AGBL3: variants seen among roughly 807,000 people sequenced by gnomAD.
The protein encoded by AGBL3 is AGBL carboxypeptidase 3.
Under a neutral mutation model 94.5 loss-of-function variants are expected in AGBL3, and 68 were observed. The ratio of observed to expected loss-of-function variants is 0.72; its 90% CI spans 0.59 to 0.88. The LOEUF (loss-of-function observed/expected upper bound fraction) is 0.88. AGBL3 is among the 40% of genes least tolerant of loss of function. AGBL3 has a pLI of 0.00. For synonymous variants in AGBL3, 354 were observed against 370.7 expected (o/e 0.95, Z 0.52); for missense variants, 934 against 1,103.8 (o/e 0.85, Z 2.18).
chr7:135,006,059 A>G (rs201436132), intron 4 of AGBL3, among the ~76,000 whole-genome samples: 1 of 151,938 alleles, frequency 6.6e-6, no homozygotes, highest in East Asian at 1.9e-4. Flanking sequence ...TTGACATCAA[A>G]AACATGATTA....
chr7:135,065,175 C>G (rs1281266619), intron 12 of AGBL3, among the ~76,000 whole-genome samples: 1 of 152,134 alleles, frequency 6.6e-6, no homozygotes, highest in Non-Finnish European at 1.5e-5. Flanking sequence ...GTAAAATGTT[C>G]ATGAAATTGA....
At chr7:135,078,782 C>T (rs894497330) in intron 13 of AGBL3, among the ~76,000 whole-genome samples, 1 of 152,070 alleles carries the variant, frequency 6.6e-6, no homozygotes, top group Non-Finnish European at 1.5e-5. Context: ...TGCCCATAAG[C>T]TAATAGCAGA....
intron 4 of AGBL3, among the ~76,000 whole-genome samples, chr7:135,002,398 G>T (rs1811825261): frequency 6.6e-6 from 1 of 152,092 alleles, no homozygotes; most frequent in South Asian, 2.1e-4. Context: ...AATCAGGGAA[G>T]CTCATCCAGC....
chr7:135,029,641 G>C (rs1391652287), intron 5 of AGBL3, among the ~76,000 whole-genome samples: 1 of 152,148 alleles, frequency 6.6e-6, no homozygotes, highest in Non-Finnish European at 1.5e-5. Context: ...GTGTTCACTG[G>C]AGTAGCACTT....
chr7:135,080,193 A>G lies in AGBL3; in HGVS notation c.1981-10A>G, dbSNP rs1013589538. 6.5e-7 allele frequency: 1 copy of G among 1,538,068 alleles called. No individual in the cohort carries two copies. The highest frequency in any genetic ancestry group is 8.8e-7 in the Non-Finnish European group (1 of 1,135,286). On this transcript the variant is annotated splice_polypyrimidine_tract_variant and intron_variant, in intron 13 of 16. Transcript: ENST00000436302. The stretch of plus-strand genomic sequence containing the variant: ...ATAGCATTGTTTTCTTTGATTCTAC[A>G]TTCCATTAGGTTTATGATAGAGGGC...
intron 16 of AGBL3, among the ~76,000 whole-genome samples, chr7:135,117,311 C>T (rs538719435): frequency 1.3e-5 from 2 of 152,216 alleles, no homozygotes; most frequent in Admixed American, 6.5e-5. Flanking sequence ...TGCAATTCAC[C>T]TATTAATCCA....
intron 1 of AGBL3, among the ~76,000 whole-genome samples, chr7:134,987,120 G>C (rs1280427361): frequency 6.6e-6 from 1 of 152,218 alleles, no homozygotes; most frequent in Non-Finnish European, 1.5e-5. Flanking sequence ...TGAGACAGTC[G>C]GTTCCGTGGC....
intron 16 of AGBL3, among the ~76,000 whole-genome samples, chr7:135,126,704 A>G (rs1419901412): frequency 6.6e-6 from 1 of 152,148 alleles, no homozygotes; most frequent in East Asian, 1.9e-4. Context: ...GAGACCTCAG[A>G]AATAATACCA....
rs533594243 is a variant in AGBL3, at chr7:135,074,084, G to T, written c.1909-2313G>T. ...GTCTTAAGTATTCTCATCACGAAAA[G>T]CAAAATAAGTGGTAACTATGTGAGG... On this transcript the variant is annotated intron_variant, in intron 12 of 16. Transcript: ENST00000436302. Among the ~76,000 whole-genome samples, 15 of 152,208 alleles carry T rather than the reference G, an allele frequency of 9.9e-5. No homozygotes were observed. In the East Asian group the frequency reaches 2.1e-3, roughly 22 times the overall value.
At chr7:135,051,054 G>A (rs1817831683) in intron 11 of AGBL3, 2 of 440,298 alleles carry the variant, frequency 4.5e-6, no homozygotes, top group African/African-American at 4.1e-5. Flanking sequence ...TGACACAAAA[G>A]CAGTATAATA....
chr7:135,073,706 A>G (rs1178693828), intron 12 of AGBL3, among the ~76,000 whole-genome samples: 1 of 151,902 alleles, frequency 6.6e-6, no homozygotes. Flanking sequence ...TGATAGGGTC[A>G]TGACCGATTG....
At chr7:135,128,577 A>G in intron 16 of AGBL3, 1 of 770,774 alleles carries the variant, frequency 1.3e-6, no homozygotes, top group South Asian at 1.3e-5. Flanking sequence ...TAGAATTTCA[A>G]GATGTTTGTG....
chr7:135,006,101 A>G (rs998822440), intron 4 of AGBL3, among the ~76,000 whole-genome samples: 2 of 151,630 alleles, frequency 1.3e-5, no homozygotes, highest in African/African-American at 4.8e-5. Flanking sequence ...CTTCAGAATT[A>G]AAAGCTCTTG....
intron 12 of AGBL3, among the ~76,000 whole-genome samples, chr7:135,073,732 C>T (rs954074402): frequency 3.3e-5 from 5 of 151,662 alleles, no homozygotes; most frequent in African/African-American, 4.8e-5. Flanking sequence ...GCAGGGGGTA[C>T]GTGACTGGGG....
intron 15 of AGBL3, among the ~76,000 whole-genome samples, chr7:135,083,447 A>C (rs1364393657): frequency 2.0e-5 from 3 of 152,152 alleles, no homozygotes; most frequent in African/African-American, 7.2e-5. Context: ...TTTAATTTTA[A>C]AATAATTTCA....
intron 4 of AGBL3, among the ~76,000 whole-genome samples, chr7:135,005,634 A>G (rs1282858665): frequency 6.6e-6 from 1 of 151,784 alleles, no homozygotes; most frequent in Non-Finnish European, 1.5e-5. Flanking sequence ...CTAAAGAACT[A>G]AAATAACGTT....
At position 135,005,114 on chromosome 7, in the gene AGBL3, CCT is replaced by C. The variant is rs201243565; in HGVS notation, c.310+11441_310+11442del. Among the ~76,000 whole-genome samples the C allele has an allele frequency of 5.2e-3, 791 of 151,598 alleles. 4 individuals are homozygous for C. Among genetic ancestry groups the C allele is most frequent in the Non-Finnish European group, 5.7e-3 (386 of 67,580 alleles). On this transcript the variant is annotated intron_variant, in intron 4 of 16. Transcript: ENST00000436302. ...TCACATATGTAGCCATCTATCCATC[CCT>C]CTCTTTATCCAATTAAGTCCTTTTA...
chr7:135,024,381 C>G (rs1246365624), intron 5 of AGBL3, among the ~76,000 whole-genome samples: 1 of 152,224 alleles, frequency 6.6e-6, no homozygotes, highest in African/African-American at 2.4e-5. Flanking sequence ...ATACCAAAAA[C>G]ATTCTGCCCA....
chr7:135,080,241 A>G lies in AGBL3; in HGVS notation c.2019A>G (p.Gln673=), dbSNP rs1168860670. 1.3e-6 allele frequency: 2 copies of G among 1,549,472 alleles called. No homozygotes were observed. Among genetic ancestry groups the G allele is most frequent in the South Asian group, 1.2e-5 (1 of 84,012 alleles). Reference sequence around the variant, plus strand: ...GGCATTTGCTGCAAAGACACACACAATCAAATTCTGATGTGAAAGGTAATA... The same window carrying G: ...GGCATTTGCTGCAAAGACACACACAGTCAAATTCTGATGTGAAAGGTAATA... ...DRGHLLQRHT[Q]SNSDVKDTRP... Residue 673 remains glutamine (Q), a synonymous_variant, in exon 14 of 17, where the codon CAA becomes CAG. Transcript: ENST00000436302.
Sources: allele counts gnomAD v4.1 joint callset (sites outside exome capture counted in the v4.1 genomes callset), GRCh38; gene constraint gnomAD v4.1.1; transcripts MANE v1.5; gene names NCBI Gene and HGNC (gene_info 2026-07-23, HGNC 2026-07-21).